The following FRMPD4 variants were observed in gnomAD, a reference collection of about 807,000 sequenced individuals.
FRMPD4 encodes the protein FERM and PDZ domain-containing protein 4.
A neutral mutation model predicts 94.1 loss-of-function variants in FRMPD4; 22 were observed. The observed-to-expected ratio is 0.23, with a 90% CI of 0.17 to 0.33. The LOEUF (loss-of-function observed/expected upper bound fraction) is 0.33. Among genes scored for constraint, FRMPD4 ranks in the 10% least tolerant of loss-of-function variants. The probability of loss-of-function intolerance (pLI) is 1.00; values close to 1 mark genes in which losing one functional copy is unlikely to be tolerated. For synonymous variants in FRMPD4, 631 were observed against 548.6 expected, an observed-to-expected ratio of 1.15 and a Z score of -2.10; for missense variants, 1,111 against 1,339.9, an observed-to-expected ratio of 0.83 and a Z score of 2.67.
intron 3 of FRMPD4, among the ~76,000 whole-genome samples, chrX:12,010,897 T>A (rs947899749): frequency 8.9e-6 from 1 of 111,912 alleles, no homozygotes; most frequent in Admixed American, 9.5e-5. Flanking sequence ...GAAGAAAAGA[T>A]AGCCCAAGAA....
chrX:12,417,805 C>T (rs1326937839), intron 1 of FRMPD4, among the ~76,000 whole-genome samples: 1 of 107,216 alleles, frequency 9.3e-6, no homozygotes. Context: ...GTCAGGAGAT[C>T]GAGACCATCC....
chrX:12,587,206 A>T (rs1031007905), intron 2 of FRMPD4, among the ~76,000 whole-genome samples: 7 of 110,859 alleles, frequency 6.3e-5, no homozygotes, highest in African/African-American at 2.3e-4. Flanking sequence ...CGAACTCCTG[A>T]CCTCGTGATC....
intron 1 of FRMPD4, among the ~76,000 whole-genome samples, chrX:12,451,733 CGTGTGTGTGTGTGT>C (rs72300557): frequency 2.0e-4 from 20 of 98,812 alleles, no homozygotes; most frequent in Non-Finnish European, 3.1e-4. Flanking sequence ...TGTGTATGCC[CGTGTGTGTGTGTGT>C]GTGTGTGTGT....
Position 12,463,681 on chromosome X carries a change from G to GTTTTTTTTTTT in FRMPD4, c.42-34989_42-34988insTTTTTTTTTTT, listed in dbSNP as rs764684007. Among the ~76,000 whole-genome samples, 38 of 51,037 alleles carry GTTTTTTTTTTT rather than the reference G, an allele frequency of 7.4e-4. 5 individuals are homozygous for GTTTTTTTTTTT. Among genetic ancestry groups the GTTTTTTTTTTT allele is most frequent in the African/African-American group, 1.3e-3 (15 of 11,595 alleles). The allele number at this position is 51,037 out of a possible 115,157, so 44.3% of individuals were successfully genotyped here. On this transcript the variant is annotated intron_variant, in intron 1 of 16. Coordinates refer to ENST00000675598, the MANE Select transcript of FRMPD4 (RefSeq NM_001368397.1). ...GGGTGCCTGTGCCTCCTATGTGTGT[G>GTTTTTTTTTTT]TTTTTTTTTTGTTTTTGTTTTTTTT... is the stretch of plus-strand genomic sequence containing the variant.
At chrX:12,193,774 G>GTAAGAAAGAAAGAAAGAAAGAAAGAAA (rs748805072) in intron 1 of FRMPD4, among the ~76,000 whole-genome samples, 3 of 24,733 alleles carry the variant, frequency 1.2e-4, no homozygotes, top group Non-Finnish European at 6.1e-5. Flanking sequence ...AAGAAAGAAA[G>GTAAGAAAGAAAGAAAGAAAGAAAGAAA]GAAGGAAGGA....
intron 4 of FRMPD4, among the ~76,000 whole-genome samples, chrX:12,654,946 T>C (rs1392158054): frequency 2.7e-5 from 3 of 112,527 alleles, no homozygotes; most frequent in African/African-American, 9.7e-5. Flanking sequence ...TGAATTGATC[T>C]ATTTGATCTC....
At chrX:11,868,399 C>T (rs990001816) in intron 2 of FRMPD4, among the ~76,000 whole-genome samples, 3 of 111,852 alleles carry the variant, frequency 2.7e-5, no homozygotes, top group Non-Finnish European at 3.8e-5. Context: ...CCTTATGGCT[C>T]ACATCTGGTT....
intron 3 of FRMPD4, among the ~76,000 whole-genome samples, chrX:12,130,085 A>T (rs753312214): frequency 1.1e-5 from 1 of 92,067 alleles, no homozygotes; most frequent in South Asian, 6.6e-4. Context: ...GCTTAAATGG[A>T]AAAAGGGAGC....
At chrX:11,828,101 T>C (rs1055056993) in intron 1 of FRMPD4, among the ~76,000 whole-genome samples, 1 of 112,308 alleles carries the variant, frequency 8.9e-6, no homozygotes, top group Non-Finnish European at 1.9e-5. Flanking sequence ...CCATTAAAAT[T>C]GCCTTCCTGG....
At chrX:12,009,700 T>C (rs1461933437) in intron 3 of FRMPD4, among the ~76,000 whole-genome samples, 1 of 111,576 alleles carries the variant, frequency 9.0e-6, no homozygotes, top group South Asian at 3.8e-4. Flanking sequence ...AGCTTTAAAA[T>C]GTTGGATGAA....
At chrX:12,297,033 C>T (rs2054783382) in intron 1 of FRMPD4, among the ~76,000 whole-genome samples, 2 of 112,586 alleles carry the variant, frequency 1.8e-5, no homozygotes, top group African/African-American at 6.5e-5. Context: ...TTGTGAAGCT[C>T]ACTGCTCACT....
rs869047289 is a variant in FRMPD4, at chrX:11,935,095, T to TTTTTA, written c.95+57077_95+57078insTTTTA. ...TGATTTTTTTTTTTTTTTTTTTTTT[T>TTTTTA]AAATTTAACAGCTTTATTGAGGTGT... On this transcript the variant is annotated intron_variant, in intron 3 of 18. Coordinates refer to the FRMPD4 transcript ENST00000640291. Among the ~76,000 whole-genome samples the TTTTTA allele has an allele frequency of 8.8e-3, 429 of 48,907 alleles. 10 individuals carry two copies. The highest frequency in any genetic ancestry group is 0.024 in the African/African-American group (408 of 16,726). The allele number at this position is 48,907 out of a possible 115,157, so 42.5% of individuals were successfully genotyped here.
intron 4 of FRMPD4, among the ~76,000 whole-genome samples, chrX:12,656,573 A>G (rs1300516318): frequency 8.9e-6 from 1 of 112,208 alleles, no homozygotes; most frequent in Non-Finnish European, 1.9e-5. Context: ...ATGAATCTCA[A>G]AAACAATTCT....
At chrX:12,139,161 C>A (rs1204704128) in intron 1 of FRMPD4, 149 bp downstream of exon 1, 4 of 426,746 alleles carry the variant, frequency 9.4e-6, no homozygotes, top group Non-Finnish European at 1.5e-5. Flanking sequence ...CCACGTTCAA[C>A]TTATTTCTCA....
chrX:11,870,359 A>G (rs1487260601), intron 2 of FRMPD4, among the ~76,000 whole-genome samples: 1 of 111,990 alleles, frequency 8.9e-6, no homozygotes, highest in East Asian at 2.8e-4. Context: ...CAGCCTGGCA[A>G]CGCCTGGAGA....
upstream of FRMPD4, among the ~76,000 whole-genome samples, chrX:12,137,420 T>C (rs887319446): frequency 8.9e-6 from 1 of 112,445 alleles, no homozygotes; most frequent in African/African-American, 3.2e-5. Flanking sequence ...TCTTTCTTAA[T>C]CCCCTCGGAG....
intron 3 of FRMPD4, among the ~76,000 whole-genome samples, chrX:12,088,453 A>G (rs1045854068): frequency 9.0e-6 from 1 of 111,592 alleles, no homozygotes; most frequent in Non-Finnish European, 1.9e-5. Flanking sequence ...GCACACCTCA[A>G]CTCGGAATTG....
intron 3 of FRMPD4, among the ~76,000 whole-genome samples, chrX:12,075,001 C>G (rs915927342): frequency 8.9e-6 from 1 of 111,986 alleles, no homozygotes; most frequent in East Asian, 2.8e-4. Context: ...CAGCAAAGGG[C>G]AATTTACTTG....
At chrX:11,874,437 A>G (rs2053772515) in intron 2 of FRMPD4, among the ~76,000 whole-genome samples, 1 of 112,773 alleles carries the variant, frequency 8.9e-6, no homozygotes, top group Non-Finnish European at 1.9e-5. Flanking sequence ...GGCGTAAGCC[A>G]CCATGCCTGG....
Sources: gnomAD v4.1 joint callset for allele counts (sites outside exome capture counted in the v4.1 genomes callset) on GRCh38, gnomAD v4.1.1 for gene constraint, MANE v1.5 for transcripts, NCBI Gene and HGNC (gene_info 2026-07-23, HGNC 2026-07-21) for gene names.